SNAPC4: variants seen among roughly 807,000 people sequenced by gnomAD.
SNAPC4 encodes the protein snRNA-activating protein complex subunit 4.
A neutral mutation model predicts 151.3 loss-of-function variants in SNAPC4; 127 were observed. The ratio of observed to expected loss-of-function variants is 0.84; its 90% CI spans 0.73 to 0.97. SNAPC4 has a LOEUF of 0.97. Ranked by LOEUF, SNAPC4 falls within the 50% of genes least tolerant of loss-of-function variation. The probability of loss-of-function intolerance (pLI) is 0.00; values close to 1 mark genes in which losing one functional copy is unlikely to be tolerated. For synonymous variants in SNAPC4, 1,002 were observed against 824.4 expected (o/e 1.22, Z -3.69); for missense variants, 2,186 against 1,935.0 (o/e 1.13, Z -2.43).
rs774827366 is a variant in SNAPC4, at chr9:136,378,422, C to T, written c.3405G>A (p.Gln1135=). The change falls in exon 22 of 24, where the codon CAG becomes CAA. Residue 1135 remains glutamine (Q), a synonymous_variant. Transcript: ENST00000684778. ...GTTCCCTGTTCATATTGGCTGGGGG[C>T]TGCCAAGAGCTGCTCAACGCTGGGG... is the stretch of plus-strand genomic sequence containing the variant. ...PRAPALSSSW[Q]PPANMNREPE... The T allele has an allele frequency of 7.5e-6, 12 of 1,597,504 alleles. No homozygotes were observed. In the South Asian group the frequency reaches 1.3e-4, roughly 18 times the overall value.
At position 136,378,808 on chromosome 9, in the gene SNAPC4, G is replaced by C; in HGVS notation, c.3019C>G (p.Pro1007Ala). ...EGTAPAASQAPALGPGQISVS... is the reference protein window; with the variant it reads ...EGTAPAASQAAALGPGQISVS... ...GAGATCTGGCCGGGGCCCAGGGCAG[G>C]GGCTTGGGAAGCAGCAGGGGCTGTG... Residue 1007 changes from proline (P) to alanine (A), a missense_variant, in exon 22 of 24, where the codon CCT becomes GCT. By Grantham distance (27) the Pro-to-Ala change is conservative. Transcript: ENST00000684778. 6.3e-7 allele frequency: 1 copy of C among 1,584,862 alleles called. No individual in the cohort carries two copies. Among genetic ancestry groups the C allele is most frequent in the South Asian group, 1.2e-5 (1 of 86,696 alleles).
At chr9:136,377,025 G>A (rs972566649) in intron 22 of SNAPC4, among the ~76,000 whole-genome samples, 3 of 152,214 alleles carry the variant, frequency 2.0e-5, no homozygotes, top group Admixed American at 2.0e-4. Flanking sequence ...GGGGGCCCCA[G>A]CTCCACATGC....
chr9:136,378,204 G>A lies in SNAPC4; in HGVS notation c.3623C>T (p.Ala1208Val). 4 of 1,612,148 alleles carry A rather than the reference G, an allele frequency of 2.5e-6. No homozygotes were observed. The highest frequency in any genetic ancestry group is 1.1e-5 in the South Asian group (1 of 90,928). Reference protein sequence around the residue: ...AEPPWSGRLPAFGGVIPATEP... With the variant: ...AEPPWSGRLPVFGGVIPATEP... ...AGTTGCTGGGATGACACCACCGAAG[G>A]CTGGCAGCCTCCCGGACCAAGGGGG... is the stretch of plus-strand genomic sequence containing the variant. Residue 1208 changes from alanine to valine, a missense_variant, in exon 22 of 24, where the codon GCC becomes GTC. Physicochemically the swap from Ala to Val is moderately conservative, Grantham distance 64. Transcript: ENST00000684778.
Position 136,394,799 on chromosome 9 carries a change from C to CAT in SNAPC4, c.549_550dup (p.Trp184TyrfsTer15). ...GCCGCAGGGCCGGCCAGGGCTCTTACATTTGGTCACAAGGAGCTCCTCGAA... is the reference window on the plus strand; with the variant it reads ...GCCGCAGGGCCGGCCAGGGCTCTTACATATTTGGTCACAAGGAGCTCCTCGAA... On this transcript the variant is annotated frameshift_variant and splice_region_variant. Transcript: ENST00000684778. LOFTEE classifies it high-confidence loss of function. 6.2e-7 allele frequency: 1 copy of CAT among 1,613,674 alleles called. No homozygotes were observed. The highest frequency in any genetic ancestry group is 1.1e-5 in the South Asian group (1 of 91,080).
intron 10 of SNAPC4, among the ~76,000 whole-genome samples, chr9:136,390,545 ACT>A (rs1834032739): frequency 9.8e-6 from 1 of 101,996 alleles, no homozygotes; most frequent in Non-Finnish European, 1.8e-5. Context: ...ACAGAGTGAG[ACT>A]CTGTTTGAAA....
In SNAPC4 at chr9:136,378,274, G is replaced by A. The variant is rs1189873149; in HGVS notation, c.3553C>T (p.Pro1185Ser). ...GCGTGGGAGGACGTCCTGGGCTCAG[G>A]TATCTCCCTGGCCACCTGGGCCTCT... ...PGEAQVAREI[P>S]EPRTSSHADP... The change falls in exon 22 of 24, where the codon CCT becomes TCT. Residue 1185 changes from proline to serine, a missense_variant. Physicochemically the swap from Pro to Ser is moderately conservative, Grantham distance 74 (BLOSUM62 -1). Coordinates refer to ENST00000684778, the MANE Select transcript of SNAPC4 (RefSeq NM_003086.4). The A allele has an allele frequency of 6.2e-7, 1 of 1,606,036 alleles. No individual in the cohort carries two copies. The highest frequency in any genetic ancestry group is 2.2e-5 in the East Asian group (1 of 44,642).
At chr9:136,387,627 G>A (rs1270349194) in intron 12 of SNAPC4, 48 bp from the exon 13 acceptor site, 1 of 1,479,218 alleles carries the variant, frequency 6.8e-7, no homozygotes, top group African/African-American at 1.4e-5. Flanking sequence ...AGGTACGGCT[G>A]CAGCCTCCCC....
chr9:136,385,220 C>T (rs574035163), intron 13 of SNAPC4, among the ~76,000 whole-genome samples: 5 of 152,284 alleles, frequency 3.3e-5, no homozygotes, highest in African/African-American at 4.8e-5. Flanking sequence ...GGGAAGCGCA[C>T]GTCAAAACCA....
chr9:136,399,098 G>A (rs1245902773), intron 1 of SNAPC4, among the ~76,000 whole-genome samples: 3 of 152,232 alleles, frequency 2.0e-5, no homozygotes, highest in African/African-American at 7.2e-5. Flanking sequence ...AGTCTGAAGG[G>A]AGAAGGACGC....
rs560108191 is a variant in SNAPC4, at chr9:136,383,542, C to CACTGCT, written c.1626_1627insAGCAGT (p.Ser541_Ser542dup). ...TGCGCCTGCTCTGGCTCGTCCTCCT[C>CACTGCT]GCTGCTGCTGCTGCTGCTGCTGCTG... On this transcript the variant is annotated inframe_insertion, in exon 16 of 24. Transcript: ENST00000684778. This position sits in a 1 kb window ranked among gnomAD's most constrained non-coding sequence, Gnocchi z 4.2. The CACTGCT allele has an allele frequency of 2.3e-5, 36 of 1,590,662 alleles. No individual in the cohort carries two copies. Among genetic ancestry groups the CACTGCT allele is most frequent in the Non-Finnish European group, 3.0e-5 (35 of 1,168,306 alleles).
At chr9:136,399,712 G>C (rs1782417652) in intron 1 of SNAPC4, among the ~76,000 whole-genome samples, 1 of 152,184 alleles carries the variant, frequency 6.6e-6, no homozygotes, top group South Asian at 2.1e-4. Flanking sequence ...GGAACCCCAG[G>C]ATGCGCCAGG....
At chr9:136,394,772 G>A in intron 6 of SNAPC4, 28 bp downstream of exon 6, 2 of 1,605,872 alleles carry the variant, frequency 1.2e-6, no homozygotes, top group Non-Finnish European at 1.7e-6. Context: ...AAGCTCAGGG[G>A]TGCCGCAGGG....
chr9:136,382,380 G>T (rs1258396037), intron 16 of SNAPC4, 44 bp from the exon 17 acceptor site: 2 of 1,540,162 alleles, frequency 1.3e-6, no homozygotes, highest in South Asian at 1.1e-5. Flanking sequence ...GGGTGTACGG[G>T]ACACATGGGG....
At chr9:136,379,779 C>T in intron 21 of SNAPC4, 58 bp downstream of exon 21, 1 of 1,559,176 alleles carries the variant, frequency 6.4e-7, no homozygotes, top group South Asian at 1.1e-5. Flanking sequence ...GGTTAGGCCT[C>T]TTCCCCGCCA....
Position 136,380,810 on chromosome 9 carries a change from C to T in SNAPC4, c.2429G>A (p.Arg810Gln), listed in dbSNP as rs751414883. The T allele has an allele frequency of 8.7e-6, 14 of 1,611,672 alleles. No homozygotes were observed. Among genetic ancestry groups the T allele is most frequent in the Middle Eastern group, 1.7e-4 (1 of 6,054 alleles). The change falls in exon 20 of 24, where the codon CGA becomes CAA. Residue 810 changes from arginine (R) to glutamine (Q), a missense_variant. Physicochemically the swap from Arg to Gln is conservative, Grantham distance 43. Coordinates refer to ENST00000684778, the MANE Select transcript of SNAPC4 (RefSeq NM_003086.4). ...CCTGGGTGGCAGGGCCTTCCTCTCT[C>T]GGACGACCTCCAAGCAGCCGGCAGT... Reference protein sequence around the residue: ...IDTAGCLEVVRERKALPPRLP... With the variant: ...IDTAGCLEVVQERKALPPRLP...
At chr9:136,376,592 AGGGCACC>A in intron 22 of SNAPC4, 111 bp from the exon 23 acceptor site, 1 of 1,325,286 alleles carries the variant, frequency 7.5e-7, no homozygotes. Context: ...CACTTGGGAC[AGGGCACC>A]CTCAGCTCAG....
At chr9:136,399,755 A>C (rs1159466268) in intron 1 of SNAPC4, among the ~76,000 whole-genome samples, 1 of 152,176 alleles carries the variant, frequency 6.6e-6, no homozygotes, top group African/African-American at 2.4e-5. Flanking sequence ...CTTGGGAGAC[A>C]GACCCGGCCC....
In SNAPC4 at chr9:136,378,056, C is replaced by T. The variant is rs373199576; in HGVS notation, c.3771G>A (p.Pro1257=). 4.2e-5 allele frequency: 66 copies of T among 1,576,538 alleles called. No homozygotes were observed. The highest frequency in any genetic ancestry group is 1.1e-4 in the African/African-American group (8 of 74,012). The change falls in exon 22 of 24, where the codon CCG becomes CCA. Residue 1257 remains proline, a synonymous_variant. Transcript: ENST00000684778. The part of the protein sequence containing the change: ...PEKGALDLEK[P]PLPQPGPEKG... ...TCTCAGGCCCAGGCTGGGGTAGGGG[C>T]GGCTTCTCCAGGTCCAGGGCCCCCT... is the stretch of plus-strand genomic sequence containing the variant.
rs1347546009 is a variant in SNAPC4 at position 136,381,810 on chromosome 9, G to A, written c.2317+14C>T. ...TCGCCCCCAGGATGCTCCCAGAGGA[G>A]CCCCAGGCCATACCTTGAGTCTGCA... On this transcript the variant is annotated intron_variant, in intron 18 of 23. Coordinates refer to ENST00000684778, the MANE Select transcript of SNAPC4 (RefSeq NM_003086.4). 5 of 1,607,666 alleles carry A rather than the reference G, an allele frequency of 3.1e-6. No individual in the cohort carries two copies. The highest frequency in any genetic ancestry group is 1.7e-5 in the Admixed American group (1 of 59,822).
Sources: gnomAD v4.1 joint callset for allele counts (sites outside exome capture counted in the v4.1 genomes callset) on GRCh38, gnomAD v4.1.1 for gene constraint, Gnocchi (gnomAD v3.1) non-coding constraint, MANE v1.5 for transcripts, NCBI Gene and HGNC (gene_info 2026-07-23, HGNC 2026-07-21) for gene names.